GFRA1: variants seen among roughly 807,000 people sequenced by gnomAD.
GFRA1 encodes GDNF family receptor alpha-1.
In GFRA1, 16 loss-of-function variants were observed where a neutral mutation model predicts 51.6. That is an observed-to-expected ratio of 0.31 (90% CI 0.21 to 0.47). GFRA1 has a LOEUF of 0.47. GFRA1 is among the 20% of genes least tolerant of loss of function. The pLI is 1.00. For synonymous variants in GFRA1, 270 were observed against 241.3 expected, an observed-to-expected ratio of 1.12 and a Z score of -1.10; for missense variants, 530 against 594.3, an observed-to-expected ratio of 0.89 and a Z score of 1.13.
intron 5 of GFRA1, among the ~76,000 whole-genome samples, chr10:116,167,901 C>A (rs928994924): frequency 1.3e-5 from 2 of 152,012 alleles, no homozygotes; most frequent in Non-Finnish European, 2.9e-5. Context: ...TCATGAAATT[C>A]TTAAAATGTT....
chr10:116,134,505 A>T (rs1392174499), intron 5 of GFRA1, among the ~76,000 whole-genome samples: 1 of 152,208 alleles, frequency 6.6e-6, no homozygotes, highest in East Asian at 1.9e-4. Flanking sequence ...ATCCTTCAAG[A>T]GCTTGGCTTT....
intron 5 of GFRA1, among the ~76,000 whole-genome samples, chr10:116,194,034 G>A (rs1473883085): frequency 7.5e-6 from 1 of 132,944 alleles, no homozygotes; most frequent in Admixed American, 8.2e-5. Context: ...GGGAGACTCC[G>A]TCTCAATAAA....
chr10:116,116,462 G>C (rs1194797307), intron 6 of GFRA1, among the ~76,000 whole-genome samples: 2 of 152,342 alleles, frequency 1.3e-5, no homozygotes, highest in Middle Eastern at 3.4e-3. Flanking sequence ...CCTTCAGGTA[G>C]GTGAGGGTTG....
At chr10:116,113,293 T>C (rs1422444462) in intron 6 of GFRA1, among the ~76,000 whole-genome samples, 1 of 152,092 alleles carries the variant, frequency 6.6e-6, no homozygotes. Context: ...GTAATAAATA[T>C]GTAAACCTCT....
chr10:116,201,912 A>T (rs1215892513), intron 5 of GFRA1, among the ~76,000 whole-genome samples: 6 of 152,216 alleles, frequency 3.9e-5, no homozygotes, highest in African/African-American at 1.4e-4. Context: ...ATTTGGATTC[A>T]CTGTCAACAT....
At position 116,253,650 on chromosome 10, in the gene GFRA1, A is replaced by T. The variant is rs533349235; in HGVS notation, c.418+15853T>A. On this transcript the variant is annotated intron_variant, in intron 4 of 10. Coordinates refer to ENST00000355422, the MANE Select transcript of GFRA1 (RefSeq NM_005264.8). ...TAAGAAAGAAACCAGGGTCAAGGACAGGGAGGCATCCAGGAAAACTTCTGG... is the reference window on the plus strand; with the variant it reads ...TAAGAAAGAAACCAGGGTCAAGGACTGGGAGGCATCCAGGAAAACTTCTGG... 2.0e-5 allele frequency among the ~76,000 whole-genome samples: 3 copies of T among 152,266 alleles called. No individual in the cohort carries two copies. The East Asian group carries it at 5.8e-4, about 29-fold the overall frequency.
chr10:116,125,697 AATGACTTC>A, intron 5 of GFRA1, 140 bp from the exon 6 acceptor site: 1 of 709,496 alleles, frequency 1.4e-6, no homozygotes, highest in South Asian at 1.6e-5. Flanking sequence ...CTAATAACTT[AATGACTTC>A]ATGACAAGAG....
intron 5 of GFRA1, among the ~76,000 whole-genome samples, chr10:116,173,515 T>C (rs552172291): frequency 4.1e-4 from 63 of 152,360 alleles, no homozygotes; most frequent in African/African-American, 1.5e-3. Flanking sequence ...TGGTACACTT[T>C]ATATTTTAAC....
chr10:116,218,846 G>A (rs1040335293), intron 4 of GFRA1, among the ~76,000 whole-genome samples: 1 of 152,116 alleles, frequency 6.6e-6, no homozygotes. Flanking sequence ...TTCTCTACCT[G>A]GGTTTGGATG....
At chr10:116,238,193 G>A (rs772078480) in intron 4 of GFRA1, among the ~76,000 whole-genome samples, 20 of 152,166 alleles carry the variant, frequency 1.3e-4, no homozygotes, top group African/African-American at 1.2e-4. Context: ...TCTTTTGTGC[G>A]CAGCTGCCGG....
chr10:116,258,711 C>T (rs1969081409), intron 4 of GFRA1, among the ~76,000 whole-genome samples: 1 of 152,052 alleles, frequency 6.6e-6, no homozygotes, highest in African/African-American at 2.4e-5. Flanking sequence ...AAGTATGTGC[C>T]CCCAAGACAA....
intron 4 of GFRA1, among the ~76,000 whole-genome samples, chr10:116,222,680 A>G (rs1366205689): frequency 6.6e-6 from 1 of 152,200 alleles, no homozygotes; most frequent in African/African-American, 2.4e-5. Context: ...TCACAGAAGC[A>G]GGCAATTAGA....
intron 5 of GFRA1, among the ~76,000 whole-genome samples, chr10:116,133,404 G>A (rs1459217025): frequency 6.6e-6 from 1 of 152,122 alleles, no homozygotes; most frequent in Non-Finnish European, 1.5e-5. Context: ...GCAACCGAGG[G>A]TGAGATCCCA....
In GFRA1 at chr10:116,059,714, G is replaced by A. The variant is rs936846068; in HGVS notation, c.*4684C>T. 1 of 152,370 alleles carries A rather than the reference G, an allele frequency of 6.6e-6. No homozygotes were observed. Among genetic ancestry groups the A allele is most frequent in the African/African-American group, 2.4e-5 (1 of 41,582 alleles). The allele number at this position is 152,370 out of a possible 1,614,324, so 9.4% of individuals were successfully genotyped here. A position where few individuals can be genotyped will look rare whatever the true frequency, so the allele number is the denominator to read the frequency against. On this transcript the variant is annotated 3_prime_UTR_variant, in exon 11 of 11. Coordinates refer to ENST00000355422, the MANE Select transcript of GFRA1 (RefSeq NM_005264.8). ...CCCCTGCATTGTCTCTGGGAGGGAGGAGAAGCTCATCAGAGACACTGGGAG... is the reference window on the plus strand; with the variant it reads ...CCCCTGCATTGTCTCTGGGAGGGAGAAGAAGCTCATCAGAGACACTGGGAG...
intron 5 of GFRA1, among the ~76,000 whole-genome samples, chr10:116,189,076 G>A (rs1374475102): frequency 6.8e-6 from 1 of 147,696 alleles, no homozygotes; most frequent in Non-Finnish European, 1.5e-5. Context: ...CCAACACAGG[G>A]AGACCTTGTC....
chr10:116,122,968 G>A (rs1957707865), intron 6 of GFRA1, among the ~76,000 whole-genome samples: 1 of 152,206 alleles, frequency 6.6e-6, no homozygotes, highest in South Asian at 2.1e-4. Flanking sequence ...TAGAAATCCA[G>A]TCCTACTCCC....
chr10:116,249,311 T>A (rs1968123520), intron 4 of GFRA1, among the ~76,000 whole-genome samples: 1 of 152,044 alleles, frequency 6.6e-6, no homozygotes, highest in Non-Finnish European at 1.5e-5. Context: ...ATTGCTTGGG[T>A]CCATTACTGA....
In GFRA1 at chr10:116,272,204, G is replaced by A; in HGVS notation, c.-175C>T. On this transcript the variant is annotated 5_prime_UTR_variant, in exon 2 of 11. Transcript: ENST00000355422. The surrounding 1 kb of genome is among the most constrained non-coding windows in gnomAD (Gnocchi z 4.4). ...TCCGGGTCTGGCAGCAGCCACCGCC[G>A]CCGGCGACTCAGCTCCGGGATGGCG... is the stretch of plus-strand genomic sequence containing the variant. 1 of 659,574 alleles carries A rather than the reference G, an allele frequency of 1.5e-6. No individual in the cohort carries two copies. The highest frequency in any genetic ancestry group is 2.7e-6 in the Non-Finnish European group (1 of 374,128). The allele number at this position is 659,574 out of a possible 1,614,324, so 40.9% of individuals were successfully genotyped here.
In GFRA1 at chr10:116,125,380, G is replaced by A. The variant is rs201441368; in HGVS notation, c.611C>T (p.Pro204Leu). The A allele has an allele frequency of 1.4e-5, 23 of 1,614,108 alleles. No individual in the cohort carries two copies. Among genetic ancestry groups the A allele is most frequent in the African/African-American group, 2.7e-5 (2 of 74,942 alleles). ...GAGCATTCCGTAGCTGTGCTTGGCC[G>A]GGACCTTGTCAAAGAACTGCCGGAG... is the stretch of plus-strand genomic sequence containing the variant. ...KALRQFFDKV[P>L]AKHSYGMLFC... The change falls in exon 6 of 11, where the codon CCG (proline) becomes CTG (leucine). Residue 204 changes from proline (P) to leucine (L), a missense_variant. Coordinates refer to ENST00000355422, the MANE Select transcript of GFRA1 (RefSeq NM_005264.8).
Sources: allele counts gnomAD v4.1 joint callset (sites outside exome capture counted in the v4.1 genomes callset), GRCh38; gene constraint gnomAD v4.1.1; non-coding constraint Gnocchi (gnomAD v3.1); transcripts MANE v1.5; gene names NCBI Gene and HGNC (gene_info 2026-07-23, HGNC 2026-07-21).